Variants in COL12A1 observed in about 807,000 individuals in gnomAD.
The protein encoded by COL12A1 is collagen alpha-1(XII) chain.
COL12A1 carries 114 observed loss-of-function variants against 349.7 expected under a neutral mutation model. That is an observed-to-expected ratio of 0.33 (90% CI 0.28 to 0.38). COL12A1 has a LOEUF of 0.38. Among genes scored for constraint, COL12A1 ranks in the 10% least tolerant of loss-of-function variants. The probability of loss-of-function intolerance (pLI) is 1.00; values close to 1 mark genes in which losing one functional copy is unlikely to be tolerated. For synonymous variants in COL12A1, 1,369 were observed against 1,329.0 expected (o/e 1.03, Z -0.66); for missense variants, 3,284 against 3,756.9 (o/e 0.87, Z 3.29).
chr6:75,205,808 C>T lies in COL12A1; in HGVS notation c.-67G>A. ...CGGCGGCAACAGGGAGAGGTAGCGG[C>T]GGCGACAGCGGCTTCCCGGCGTCGG... On this transcript the variant is annotated 5_prime_UTR_variant, in exon 1 of 66. Coordinates refer to ENST00000322507, the MANE Select transcript of COL12A1 (RefSeq NM_004370.6). 1.3e-5 allele frequency: 2 copies of T among 156,996 alleles called. No individual in the cohort carries two copies. Among genetic ancestry groups the T allele is most frequent in the Non-Finnish European group, 2.8e-5 (2 of 71,894 alleles). The allele number at this position is 156,996 out of a possible 1,614,324, so 9.7% of individuals were successfully genotyped here. A position where few individuals can be genotyped will look rare whatever the true frequency, so the allele number is the denominator to read the frequency against.
intron 8 of COL12A1, 76 bp from the exon 9 acceptor site, chr6:75,184,220 T>C (rs1582199090): frequency 7.1e-7 from 1 of 1,408,692 alleles, no homozygotes; most frequent in East Asian, 2.4e-5. Context: ...GGTTTGGACC[T>C]TCAAATCTCC....
At chr6:75,179,301 T>C (rs1212852811) in intron 11 of COL12A1, among the ~76,000 whole-genome samples, 1 of 152,080 alleles carries the variant, frequency 6.6e-6, no homozygotes, top group African/African-American at 2.4e-5. Flanking sequence ...TGACTTCTAC[T>C]CAAAAACCCT....
At chr6:75,167,221 T>C (rs928704868) in intron 13 of COL12A1, among the ~76,000 whole-genome samples, 2 of 152,196 alleles carry the variant, frequency 1.3e-5, no homozygotes, top group Admixed American at 6.5e-5. Flanking sequence ...TTGGTTTGGC[T>C]GTGGGCTTCT....
chr6:75,184,284 G>A (rs116842231), intron 8 of COL12A1, 140 bp from the exon 9 acceptor site: 11 of 913,614 alleles, frequency 1.2e-5, no homozygotes, highest in Non-Finnish European at 1.6e-5. Flanking sequence ...ACCCGCCTCA[G>A]TCCCCAATTT....
intron 21 of COL12A1, among the ~76,000 whole-genome samples, chr6:75,150,794 G>T (rs537739093): frequency 6.6e-6 from 1 of 152,142 alleles, no homozygotes; most frequent in East Asian, 1.9e-4. Context: ...ATGTTGTGTG[G>T]GGGAGGGTGC....
At chr6:75,101,038 G>C (rs912693145) in intron 58 of COL12A1, among the ~76,000 whole-genome samples, 4 of 152,132 alleles carry the variant, frequency 2.6e-5, no homozygotes, top group African/African-American at 7.2e-5. Context: ...TCCTAGAGAA[G>C]ACTGGGTTTC....
At chr6:75,196,435 A>G (rs1004025002) in intron 2 of COL12A1, among the ~76,000 whole-genome samples, 1 of 152,214 alleles carries the variant, frequency 6.6e-6, no homozygotes, top group Non-Finnish European at 1.5e-5. Flanking sequence ...AATTAAGCAA[A>G]CATTTGCTTT....
chr6:75,162,132 A>T (rs1322654156), intron 14 of COL12A1, among the ~76,000 whole-genome samples: 2 of 152,198 alleles, frequency 1.3e-5, no homozygotes, highest in African/African-American at 4.8e-5. Flanking sequence ...GACTTTCTTC[A>T]AGAATTAGAA....
intron 2 of COL12A1, among the ~76,000 whole-genome samples, chr6:75,199,256 A>T (rs558778017): frequency 8.5e-5 from 13 of 152,318 alleles, no homozygotes; most frequent in African/African-American, 3.1e-4. Context: ...TAGTTGACCA[A>T]GTGATTCAGC....
chr6:75,171,172 G>A (rs1342416788), intron 13 of COL12A1, among the ~76,000 whole-genome samples: 1 of 152,122 alleles, frequency 6.6e-6, no homozygotes, highest in Non-Finnish European at 1.5e-5. Context: ...TATACAGTAG[G>A]GTTGTTGTAA....
At chr6:75,192,833 G>A (rs897714989) in intron 3 of COL12A1, among the ~76,000 whole-genome samples, 7 of 152,124 alleles carry the variant, frequency 4.6e-5, no homozygotes, top group Non-Finnish European at 1.0e-4. Context: ...AATCTGTGTG[G>A]AAGCAGTGCA....
chr6:75,147,904 A>G, intron 22 of COL12A1, 100 bp from the exon 23 acceptor site: 1 of 1,250,940 alleles, frequency 8.0e-7, no homozygotes, highest in Non-Finnish European at 1.1e-6. Context: ...CTTAGAATCT[A>G]TATTTCAATT....
intron 37 of COL12A1, 135 bp from the exon 38 acceptor site, chr6:75,128,560 T>C (rs1454553047): frequency 1.5e-6 from 1 of 682,362 alleles, no homozygotes; most frequent in Non-Finnish European, 2.1e-6. Flanking sequence ...ACAATGCTCG[T>C]GACAAGACAA....
At chr6:75,156,218 A>T in intron 15 of COL12A1, 39 bp downstream of exon 15, 10 of 1,552,800 alleles carry the variant, frequency 6.4e-6, no homozygotes, top group South Asian at 1.1e-5. Context: ...TTAAAACATT[A>T]CCTTCTCTCC....
rs1253915926 is a variant in COL12A1, at chr6:75,189,760, A to G, written c.450T>C (p.Ser150=). ...DLVFLVDGSW[S]VGRNNFKYIL... is the part of the protein sequence containing the mutation. ...TGTACTTGAAATTATTTCTTCCCAC[A>G]CTCCAAGAGCCATCCACGAGGAAAA... The change falls in exon 6 of 66, where the codon AGT becomes AGC. Residue 150 remains serine, a synonymous_variant. Coordinates refer to ENST00000322507, the MANE Select transcript of COL12A1 (RefSeq NM_004370.6). The G allele has an allele frequency of 6.2e-7, 1 of 1,613,092 alleles. No individual in the cohort carries two copies.
chr6:75,134,943 G>A (rs1325986612), intron 31 of COL12A1, 88 bp from the exon 32 acceptor site: 2 of 1,385,562 alleles, frequency 1.4e-6, no homozygotes, highest in Non-Finnish European at 1.9e-6. Context: ...CAGGGAAGCT[G>A]TTTGAGACCC....
In COL12A1 at chr6:75,090,822, G is replaced by A. The variant is rs1324182467; in HGVS notation, c.8752+501C>T. On this transcript the variant is annotated intron_variant, in intron 62 of 65. Coordinates refer to ENST00000322507, the MANE Select transcript of COL12A1 (RefSeq NM_004370.6). This position sits in a 1 kb window ranked among gnomAD's most constrained non-coding sequence, Gnocchi z 4.1. ...AAGCAACATAAGTGATTCTAAGGCAGGTGTTCCTCAGTACCGCACTTTGGA... is the reference window on the plus strand; with the variant it reads ...AAGCAACATAAGTGATTCTAAGGCAAGTGTTCCTCAGTACCGCACTTTGGA... Among the ~76,000 whole-genome samples, 2 of 152,202 alleles carry A rather than the reference G, an allele frequency of 1.3e-5. No individual in the cohort carries two copies. Among genetic ancestry groups the A allele is most frequent in the Admixed American group, 6.5e-5 (1 of 15,274 alleles).
chr6:75,102,685 G>A lies in COL12A1; in HGVS notation c.8327C>T (p.Pro2776Leu). The change falls in exon 56 of 66, where the codon CCT (proline) becomes CTT (leucine). Residue 2776 changes from proline (P) to leucine (L), a missense_variant. This residue lies in a region of COL12A1 where 683 missense variants were observed against 932.1 expected (regional missense o/e 0.73). Coordinates refer to ENST00000322507, the MANE Select transcript of COL12A1 (RefSeq NM_004370.6). ...ERGISGAIGP[P>L]GPRGDIGPPG... ...AGGACCTATGTCTCCACGAGGACCA[G>A]GGGGCCCCTAAAATACACAAGAGAG... The A allele has an allele frequency of 1.3e-6, 2 of 1,544,314 alleles. No homozygotes were observed. Among genetic ancestry groups the A allele is most frequent in the South Asian group, 1.3e-5 (1 of 79,964 alleles).
rs771366071 is a variant in COL12A1 at position 75,130,867 on chromosome 6, C to A, written c.6052G>T (p.Ala2018Ser). The A allele has an allele frequency of 3.1e-6, 5 of 1,613,922 alleles. No individual in the cohort carries two copies. Among genetic ancestry groups the A allele is most frequent in the Admixed American group, 1.7e-5 (1 of 59,992 alleles). Reference sequence around the variant, plus strand: ...TCTGCCTCACGCGTTCGGCCCTGGGCAGGGCTGGGATTTCCCTCTCCATCC... The same window carrying A: ...TCTGCCTCACGCGTTCGGCCCTGGGAAGGGCTGGGATTTCCCTCTCCATCC... ...YSDGEGNPSP[A>S]QGRTLPRSGP... Residue 2018 changes from alanine (A) to serine (S), a missense_variant, in exon 36 of 66, where the codon GCC (alanine) becomes TCC (serine). Around this residue, in one of 2 missense-constraint regions of COL12A1, gnomAD observed 2,601 missense variants for 2,824.8 expected, o/e 0.92. Transcript: ENST00000322507.
Sources: gnomAD v4.1 joint callset for allele counts (sites outside exome capture counted in the v4.1 genomes callset) on GRCh38, gnomAD v4.1.1 for gene constraint, gnomAD v4.1.1 regional missense constraint, Gnocchi (gnomAD v3.1) non-coding constraint, MANE v1.5 for transcripts, NCBI Gene and HGNC (gene_info 2026-07-23, HGNC 2026-07-21) for gene names.